SKIC3: variants seen among roughly 807,000 people sequenced by gnomAD.
SKIC3 encodes the protein superkiller complex protein 3.
the SKIC3 span, among the ~76,000 whole-genome samples, chr5:95,479,579 T>C: frequency 1.3e-5 from 2 of 152,118 alleles, no homozygotes; most frequent in Non-Finnish European, 2.9e-5. Flanking sequence ...TAATATAGTG[T>C]TATAACTTTT....
chr5:95,516,480 T>TA, the SKIC3 span: 255 of 1,612,218 alleles, frequency 1.6e-4, no homozygotes, highest in Non-Finnish European at 2.1e-4. Flanking sequence ...AAATTAGTAA[T>TA]ACTAAATTTT....
the SKIC3 span, chr5:95,525,787 T>C: frequency 1.2e-5 from 12 of 973,986 alleles, no homozygotes; most frequent in African/African-American, 1.1e-4. Flanking sequence ...AATAAAGAAA[T>C]AGAGGTCCTG....
At chr5:95,536,818 T>C in the SKIC3 span, 1 of 1,609,320 alleles carries the variant, frequency 6.2e-7, no homozygotes, top group African/African-American at 1.3e-5. Context: ...AGAAATTACC[T>C]GATTCAATTA....
chr5:95,464,727 A>C, the SKIC3 span: 140 of 1,503,944 alleles, frequency 9.3e-5, no homozygotes, highest in Non-Finnish European at 1.3e-4. Flanking sequence ...GTTTATTAAC[A>C]ATATCTATAT....
the SKIC3 span, among the ~76,000 whole-genome samples, chr5:95,481,620 T>TCTAACC: frequency 6.6e-6 from 1 of 152,132 alleles, no homozygotes. Context: ...TGATTAAGTA[T>TCTAACC]CTAAGGTCAG....
the SKIC3 span, chr5:95,469,819 A>G: frequency 6.2e-7 from 1 of 1,614,190 alleles, no homozygotes; most frequent in African/African-American, 1.3e-5. Flanking sequence ...CAAAGCTTGT[A>G]AAAGAACAGC....
At chr5:95,536,214 C>A in the SKIC3 span, among the ~76,000 whole-genome samples, 1 of 152,166 alleles carries the variant, frequency 6.6e-6, no homozygotes, top group African/African-American at 2.4e-5. Context: ...GAGACAAATT[C>A]TCCCATTTGA....
At chr5:95,534,791 G>A in the SKIC3 span, among the ~76,000 whole-genome samples, 4 of 152,056 alleles carry the variant, frequency 2.6e-5, no homozygotes, top group East Asian at 7.7e-4. Flanking sequence ...GTCCTCCTCT[G>A]ATGGTAACCA....
the SKIC3 span, chr5:95,541,179 T>C: frequency 3.7e-6 from 3 of 820,336 alleles, no homozygotes; most frequent in Non-Finnish European, 6.2e-6. Context: ...TTGGTCTGGC[T>C]GGTCTCGAAC....
chr5:95,515,345 T>A, the SKIC3 span, among the ~76,000 whole-genome samples: 1 of 152,174 alleles, frequency 6.6e-6, no homozygotes, highest in Non-Finnish European at 1.5e-5. Context: ...GTATACCTGC[T>A]ACCAGAGAAG....
chr5:95,523,583 A>G, the SKIC3 span: 1 of 1,492,896 alleles, frequency 6.7e-7, no homozygotes, highest in Non-Finnish European at 9.1e-7. Context: ...TCAAGTATAC[A>G]TATATAAAAA....
At chr5:95,525,805 T>C in the SKIC3 span, 1 of 816,824 alleles carries the variant, frequency 1.2e-6, no homozygotes, top group Non-Finnish European at 2.0e-6. Context: ...CTGATTTCTA[T>C]CACTAATAAC....
chr5:95,534,718 A>T, the SKIC3 span, among the ~76,000 whole-genome samples: 1 of 151,096 alleles, frequency 6.6e-6, no homozygotes, highest in Non-Finnish European at 1.5e-5. Context: ...TCTCTTTTTC[A>T]TCTCTTTCCC....
chr5:95,523,537 A>C, the SKIC3 span: 2 of 1,297,304 alleles, frequency 1.5e-6, no homozygotes, highest in East Asian at 5.1e-5. Flanking sequence ...AAAAATATTT[A>C]TATTGCACCT....
the SKIC3 span, chr5:95,537,274 A>G: frequency 5.1e-4 from 412 of 804,748 alleles, 3 homozygotes; most frequent in South Asian, 4.3e-3. Context: ...TGACAACTTC[A>G]ACGAGGAAAA....
At chr5:95,464,612 G>T in the SKIC3 span, 2 of 1,610,652 alleles carry the variant, frequency 1.2e-6, no homozygotes, top group Non-Finnish European at 1.7e-6. Context: ...CAATGTTATT[G>T]TGAGGACAAT....
At chr5:95,482,506 G>A in the SKIC3 span, 1 of 1,614,026 alleles carries the variant, frequency 6.2e-7, no homozygotes, top group Non-Finnish European at 8.5e-7. Context: ...AGTTGGACAT[G>A]ACTGTTTTTT....
chr5:95,478,412 T>C, the SKIC3 span: 1 of 1,613,958 alleles, frequency 6.2e-7, no homozygotes, highest in Non-Finnish European at 8.5e-7. Context: ...GCTCTCATCA[T>C]TCCTTGGGAT....
At chr5:95,478,185 T>C in the SKIC3 span, 24 of 1,356,544 alleles carry the variant, frequency 1.8e-5, 1 homozygote, top group Admixed American at 3.1e-4. Context: ...TAGAACACAA[T>C]GAAACAACAG....
Sources: gnomAD v4.1 joint callset for allele counts (sites outside exome capture counted in the v4.1 genomes callset) on GRCh38, gnomAD v4.1.1 for gene constraint, MANE v1.5 for transcripts, NCBI Gene and HGNC (gene_info 2026-07-23, HGNC 2026-07-21) for gene names.